Variants in IL12RB2 observed in about 807,000 individuals in gnomAD.
IL12RB2 encodes the protein interleukin 12 receptor subunit beta 2.
Under a neutral mutation model 89.4 loss-of-function variants are expected in IL12RB2, and 82 were observed. The ratio of observed to expected loss-of-function variants is 0.92; its 90% confidence interval spans 0.77 to 1.10. The LOEUF (loss-of-function observed/expected upper bound fraction) is 1.10, where lower values mean the gene tolerates loss of function less well. Ranked by LOEUF, IL12RB2 falls within the 50% of genes least tolerant of loss-of-function variation. The pLI, the probability that IL12RB2 is intolerant of heterozygous loss-of-function variation, is 0.00. For missense variants in IL12RB2, 963 were observed against 1,031.9 expected (o/e 0.93, Z 0.92); for synonymous variants, 368 against 370.1 (o/e 0.99, Z 0.07).
intron 2 of IL12RB2, among the ~76,000 whole-genome samples, chr1:67,317,852 G>A (rs560749599): frequency 1.3e-5 from 2 of 152,198 alleles, no homozygotes; most frequent in Middle Eastern, 3.4e-3. Context: ...GCTCTTATGG[G>A]GCTTATATTC....
In IL12RB2 at chr1:67,372,476, T is replaced by G. The variant is rs774722786; in HGVS notation, c.1500T>G (p.Tyr500Ter). 1 of 1,599,724 alleles carries G rather than the reference T, an allele frequency of 6.3e-7. No homozygotes were observed. The highest frequency in any genetic ancestry group is 8.6e-7 in the Non-Finnish European group (1 of 1,166,956). ...KSYICYEIRV[Y>*]ALSGDQGGCS... is the part of the protein sequence containing the mutation. ...ACATCTGTTATGAAATCCGTGTGTA[T>G]GCACTCTCAGGGGATCAAGGAGGAT... Residue 500 changes from tyrosine (Y) to a stop codon, truncating the protein, a stop_gained, in exon 12 of 17, where the codon TAT becomes TAG. Coordinates refer to ENST00000674203, the MANE Select transcript of IL12RB2 (RefSeq NM_001374259.2). LOFTEE classifies it high-confidence loss of function.
chr1:67,333,105 A>G (rs1310059140), intron 8 of IL12RB2, among the ~76,000 whole-genome samples: 1 of 152,100 alleles, frequency 6.6e-6, no homozygotes, highest in East Asian at 1.9e-4. Flanking sequence ...AGAAACCCAT[A>G]CTCTGAGATA....
chr1:67,398,053 C>CTA lies in IL12RB2; in HGVS notation c.*1967_*1968dup, dbSNP rs1398230645. Among the ~76,000 whole-genome samples, 1 of 152,184 alleles carries CTA rather than the reference C, an allele frequency of 6.6e-6. No individual in the cohort carries two copies. The highest frequency in any genetic ancestry group is 1.5e-5 in the Non-Finnish European group (1 of 68,028). ...TTTCCTGAAATTCCAAACTTAACAC[C>CTA]TATAGTTCTCTCAGGCTTTTTTTGA... On this transcript the variant is annotated 3_prime_UTR_variant, in exon 17 of 17. Coordinates refer to ENST00000674203, the MANE Select transcript of IL12RB2 (RefSeq NM_001374259.2).
At chr1:67,372,084 G>A (rs1230608477) in intron 11 of IL12RB2, among the ~76,000 whole-genome samples, 1 of 151,828 alleles carries the variant, frequency 6.6e-6, no homozygotes, top group African/African-American at 2.4e-5. Flanking sequence ...GTGTCTGTGT[G>A]TGTGTGTGTG....
chr1:67,394,807 C>T (rs1289100874), intron 16 of IL12RB2, among the ~76,000 whole-genome samples: 3 of 152,222 alleles, frequency 2.0e-5, no homozygotes, highest in Non-Finnish European at 4.4e-5. Flanking sequence ...GAAAACACCA[C>T]ACATCTCTCA....
chr1:67,342,210 T>G (rs1659708758), intron 9 of IL12RB2, among the ~76,000 whole-genome samples: 3 of 149,942 alleles, frequency 2.0e-5, no homozygotes, highest in South Asian at 2.1e-4. Context: ...GTTTTTTGGG[T>G]TTTTTTTGTT....
At position 67,396,021 on chromosome 1, in the gene IL12RB2, A is replaced by C. The variant is rs1666338832; in HGVS notation, c.2521A>C (p.Thr841Pro). The change falls in exon 17 of 17, where the codon ACC becomes CCC. Residue 841 changes from threonine to proline, a missense_variant. Transcript: ENST00000674203. ...VFPSSSLHPL[T>P]FSCGDKLTLD... is the part of the protein sequence containing the mutation. ...CCCCTCAAGTTCTCTTCACCCACTC[A>C]CCTTCTCCTGTGGTGATAAGCTGAC... is the stretch of plus-strand genomic sequence containing the variant. 6.2e-7 allele frequency: 1 copy of C among 1,605,610 alleles called. No homozygotes were observed. The highest frequency in any genetic ancestry group is 2.2e-5 in the East Asian group (1 of 44,844).
At chr1:67,366,374 C>G (rs12091981) in intron 10 of IL12RB2, among the ~76,000 whole-genome samples, 5,884 of 148,724 alleles carry the variant, frequency 0.04, 415 homozygotes, top group African/African-American at 0.14. Context: ...CTGCTTGAAC[C>G]TGGGAGGCAG....
At position 67,307,893 on chromosome 1, in the gene IL12RB2, C is replaced by T. The variant is rs1351036766; in HGVS notation, c.-199C>T. On this transcript the variant is annotated 5_prime_UTR_variant, in exon 1 of 17. Coordinates refer to ENST00000674203, the MANE Select transcript of IL12RB2 (RefSeq NM_001374259.2). Reference sequence around the variant, plus strand: ...CCGGCAGAGAGCGCGGAGAGCGCGACACGTGCGGCCCAGAGCACCGGGGCC... The same window carrying T: ...CCGGCAGAGAGCGCGGAGAGCGCGATACGTGCGGCCCAGAGCACCGGGGCC... 1 of 151,986 alleles carries T rather than the reference C, an allele frequency of 6.6e-6. No homozygotes were observed. Among genetic ancestry groups the T allele is most frequent in the Non-Finnish European group, 1.5e-5 (1 of 68,014 alleles). The allele number at this position is 151,986 out of a possible 1,614,324, so 9.4% of individuals were successfully genotyped here. A position where few individuals can be genotyped will look rare whatever the true frequency, so the allele number is the denominator to read the frequency against.
chr1:67,395,142 C>A (rs950547195), intron 16 of IL12RB2, among the ~76,000 whole-genome samples: 30 of 152,202 alleles, frequency 2.0e-4, no homozygotes, highest in African/African-American at 7.2e-4. Context: ...GTGGCACATG[C>A]CTATAATCCC....
intron 4 of IL12RB2, among the ~76,000 whole-genome samples, chr1:67,322,191 G>A (rs959108962): frequency 6.6e-6 from 1 of 151,960 alleles, no homozygotes; most frequent in African/African-American, 2.4e-5. Flanking sequence ...TTTGACTTAG[G>A]AGAATATGTT....
chr1:67,314,519 A>T (rs1231129982), intron 2 of IL12RB2, among the ~76,000 whole-genome samples: 2 of 152,194 alleles, frequency 1.3e-5, no homozygotes, highest in Non-Finnish European at 2.9e-5. Context: ...GTGCTCTCAC[A>T]GTCAATAGCA....
intron 13 of IL12RB2, among the ~76,000 whole-genome samples, chr1:67,375,709 C>A (rs933669090): frequency 2.6e-5 from 4 of 152,080 alleles, no homozygotes; most frequent in African/African-American, 9.7e-5. Context: ...AGGTGTAGAG[C>A]CAGGGAGGAA....
At chr1:67,325,725 G>T (rs1657193220) in intron 4 of IL12RB2, among the ~76,000 whole-genome samples, 1 of 152,276 alleles carries the variant, frequency 6.6e-6, no homozygotes, top group Admixed American at 6.5e-5. Context: ...GGACAAAAAA[G>T]ATATTTATTT....
intron 15 of IL12RB2, among the ~76,000 whole-genome samples, chr1:67,387,700 C>CAAAAAAAA (rs10667103): frequency 9.9e-6 from 1 of 100,682 alleles, no homozygotes; most frequent in African/African-American, 4.4e-5. Flanking sequence ...AAGACTGTCT[C>CAAAAAAAA]AAAAAAAAAA....
rs1331049676 is a variant in IL12RB2, at chr1:67,396,495, G to A, written c.*406G>A. ...CCTGCTACACAGCAGGCTGTACACA[G>A]CAGATCAGTACTGTTCAACAGAACT... is the stretch of plus-strand genomic sequence containing the variant. On this transcript the variant is annotated 3_prime_UTR_variant, in exon 17 of 17. Transcript: ENST00000674203. 3 of 338,458 alleles carry A rather than the reference G, an allele frequency of 8.9e-6. No individual in the cohort carries two copies. Among genetic ancestry groups the A allele is most frequent in the African/African-American group, 2.1e-5 (1 of 46,990 alleles). The allele number at this position is 338,458 out of a possible 1,614,324, so 21.0% of individuals were successfully genotyped here.
intron 4 of IL12RB2, among the ~76,000 whole-genome samples, chr1:67,324,341 G>A (rs927399352): frequency 1.3e-5 from 2 of 152,104 alleles, no homozygotes; most frequent in Non-Finnish European, 2.9e-5. Flanking sequence ...TTCTGCCTCA[G>A]CCTCCCAAGT....
chr1:67,334,881 G>C (rs757452400), intron 8 of IL12RB2, among the ~76,000 whole-genome samples: 1 of 152,242 alleles, frequency 6.6e-6, no homozygotes, highest in Non-Finnish European at 1.5e-5. Context: ...GCCGTAGTTT[G>C]CTGACCCCTA....
At chr1:67,394,753 G>T (rs1450168246) in intron 16 of IL12RB2, among the ~76,000 whole-genome samples, 1 of 152,082 alleles carries the variant, frequency 6.6e-6, no homozygotes, top group African/African-American at 2.4e-5. Flanking sequence ...TAACTAGCAG[G>T]TTCCAAAATA....
Sources: gnomAD v4.1 joint callset for allele counts (sites outside exome capture counted in the v4.1 genomes callset) on GRCh38, gnomAD v4.1.1 for gene constraint, MANE v1.5 for transcripts, NCBI Gene and HGNC (gene_info 2026-07-23, HGNC 2026-07-21) for gene names.